Variants in EPHA6 observed in about 807,000 individuals in gnomAD.
EPHA6 encodes ephrin type-A receptor 6.
A neutral mutation model predicts 112.0 loss-of-function variants in EPHA6; 50 were observed. That is an observed-to-expected ratio of 0.45 (90% CI 0.36 to 0.56). EPHA6 has a LOEUF of 0.56. Among genes scored for constraint, EPHA6 ranks in the 20% least tolerant of loss-of-function variants. The pLI is 0.00. For missense variants in EPHA6, 1,280 were observed against 1,417.4 expected, an observed-to-expected ratio of 0.90 and a Z score of 1.56; for synonymous variants, 529 against 490.7, an observed-to-expected ratio of 1.08 and a Z score of -1.03.
At chr3:97,567,654 G>C (rs1267771871) in intron 11 of EPHA6, among the ~76,000 whole-genome samples, 2 of 152,176 alleles carry the variant, frequency 1.3e-5, no homozygotes, top group Non-Finnish European at 2.9e-5. Flanking sequence ...AGCACCAGGA[G>C]AAACACAGGG....
intron 3 of EPHA6, among the ~76,000 whole-genome samples, chr3:97,215,961 A>G (rs2078023156): frequency 6.6e-6 from 1 of 152,178 alleles, no homozygotes; most frequent in African/African-American, 2.4e-5. Context: ...ACTAACAGGA[A>G]TAAGGGTATA....
intron 5 of EPHA6, among the ~76,000 whole-genome samples, chr3:97,325,605 T>C (rs115858160): frequency 0.013 from 2,021 of 152,156 alleles, 40 homozygotes; most frequent in African/African-American, 0.046. Context: ...CATAAAACAG[T>C]ACCTGGTGCA....
chr3:97,140,091 CA>C (rs2075862207), intron 3 of EPHA6, among the ~76,000 whole-genome samples: 1 of 151,402 alleles, frequency 6.6e-6, no homozygotes, highest in South Asian at 2.1e-4. Context: ...CTGTAAAAGA[CA>C]AAAGAGGTTT....
intron 14 of EPHA6, among the ~76,000 whole-genome samples, chr3:97,641,855 G>A (rs1445209487): frequency 6.6e-6 from 1 of 151,958 alleles, no homozygotes; most frequent in Non-Finnish European, 1.5e-5. Flanking sequence ...CGGCAGCGAG[G>A]CTGGGGGAGG....
chr3:97,502,459 G>A (rs896130417), intron 10 of EPHA6, among the ~76,000 whole-genome samples: 9 of 151,692 alleles, frequency 5.9e-5, no homozygotes, highest in East Asian at 3.9e-4. Context: ...GTGAGCCACC[G>A]TGCCCGGGCA....
chr3:97,518,964 G>A (rs2092493048), intron 10 of EPHA6, among the ~76,000 whole-genome samples: 1 of 152,056 alleles, frequency 6.6e-6, no homozygotes, highest in Non-Finnish European at 1.5e-5. Flanking sequence ...TCACTCTGTT[G>A]ATTGTTTCCT....
At chr3:97,169,176 G>C (rs770256206) in intron 3 of EPHA6, among the ~76,000 whole-genome samples, 2 of 152,124 alleles carry the variant, frequency 1.3e-5, no homozygotes, top group Non-Finnish European at 2.9e-5. Flanking sequence ...AGGTGAAGTT[G>C]TTTGCCTGTG....
chr3:97,535,993 A>G (rs550786037), intron 11 of EPHA6, among the ~76,000 whole-genome samples: 1 of 152,270 alleles, frequency 6.6e-6, no homozygotes, highest in South Asian at 2.1e-4. Context: ...ACTGTGTTTG[A>G]TAAGAGTTGA....
intron 2 of EPHA6, among the ~76,000 whole-genome samples, chr3:96,964,680 G>A (rs1346315780): frequency 6.6e-6 from 1 of 152,160 alleles, no homozygotes; most frequent in Admixed American, 6.6e-5. Context: ...CCAATTTCCA[G>A]TTACTACAAA....
At chr3:96,901,276 G>A (rs575508083) in intron 2 of EPHA6, among the ~76,000 whole-genome samples, 2 of 152,116 alleles carry the variant, frequency 1.3e-5, no homozygotes, top group African/African-American at 4.8e-5. Flanking sequence ...AAAATCTTAT[G>A]TTGGACTATA....
chr3:97,574,643 G>T (rs896956644), intron 11 of EPHA6, among the ~76,000 whole-genome samples: 2 of 152,032 alleles, frequency 1.3e-5, no homozygotes, highest in African/African-American at 2.4e-5. Context: ...GTTAAACAAA[G>T]ACTACTATGA....
chr3:96,814,617 G>A lies in EPHA6; in HGVS notation c.-7G>A, dbSNP rs2032596830. 4.2e-6 allele frequency: 6 copies of A among 1,445,468 alleles called. No individual in the cohort carries two copies. The highest frequency in any genetic ancestry group is 3.6e-6 in the Non-Finnish European group (4 of 1,098,502). The allele number at this position is 1,445,468 out of a possible 1,614,324, so 89.5% of individuals were successfully genotyped here. ...ATAGTCCTCGCGCAAGCGGGACACT[G>A]TGGTGGATGCAATTCCCCTCGCCTC... On this transcript the variant is annotated 5_prime_UTR_variant, in exon 1 of 18. In the 5' UTR this introduces an upstream ATG that the reference lacks. Coordinates refer to ENST00000389672, the MANE Select transcript of EPHA6 (RefSeq NM_001080448.3).
intron 14 of EPHA6, among the ~76,000 whole-genome samples, chr3:97,710,476 C>G (rs1439372000): frequency 6.6e-6 from 1 of 152,174 alleles, no homozygotes; most frequent in Non-Finnish European, 1.5e-5. Context: ...GTATAAAGAG[C>G]CTGTGGGCAT....
At chr3:97,691,572 T>G (rs1474536610) in intron 14 of EPHA6, among the ~76,000 whole-genome samples, 1 of 152,206 alleles carries the variant, frequency 6.6e-6, no homozygotes, top group Non-Finnish European at 1.5e-5. Context: ...GGTTACTGAC[T>G]TCTATAAATA....
chr3:97,540,363 C>T (rs1262278504), intron 11 of EPHA6, among the ~76,000 whole-genome samples: 1 of 152,144 alleles, frequency 6.6e-6, no homozygotes. Flanking sequence ...ATGACATAGC[C>T]TGATGACCCT....
At chr3:97,011,108 A>G (rs2044070024) in intron 3 of EPHA6, among the ~76,000 whole-genome samples, 1 of 152,158 alleles carries the variant, frequency 6.6e-6, no homozygotes, top group South Asian at 2.1e-4. Context: ...TCATAGAAGG[A>G]AAGCAGCTTT....
intron 5 of EPHA6, among the ~76,000 whole-genome samples, chr3:97,366,699 G>T (rs1359467914): frequency 6.6e-6 from 1 of 151,868 alleles, no homozygotes; most frequent in African/African-American, 2.4e-5. Flanking sequence ...CCAAGAAAAA[G>T]TGTATGTTTG....
chr3:97,311,973 C>G (rs769651871), intron 5 of EPHA6, among the ~76,000 whole-genome samples: 2 of 151,616 alleles, frequency 1.3e-5, no homozygotes, highest in East Asian at 3.9e-4. Flanking sequence ...GTTCATTTCT[C>G]CACATACTTA....
intron 5 of EPHA6, among the ~76,000 whole-genome samples, chr3:97,379,416 T>TC (rs2085575906): frequency 6.6e-6 from 1 of 152,124 alleles, no homozygotes; most frequent in South Asian, 2.1e-4. Flanking sequence ...CTTTTTTTTT[T>TC]CTAGAGAATC....
Sources: gnomAD v4.1 joint callset for allele counts (sites outside exome capture counted in the v4.1 genomes callset) on GRCh38, gnomAD v4.1.1 for gene constraint, MANE v1.5 for transcripts, NCBI Gene and HGNC (gene_info 2026-07-23, HGNC 2026-07-21) for gene names.